The following FAM227B variants were observed in gnomAD, a reference collection of about 807,000 sequenced individuals.
The protein encoded by FAM227B is family with sequence similarity 227 member B, also known as protein FAM227B.
FAM227B carries 88 observed loss-of-function variants against 73.8 expected under a neutral mutation model. That is an observed-to-expected ratio of 1.19 (90% CI 1.00 to 1.42). The LOEUF (loss-of-function observed/expected upper bound fraction) is 1.42. Among genes scored for constraint, FAM227B ranks in the 40% most tolerant of loss-of-function variants. The pLI is 0.00. For missense variants in FAM227B, 632 were observed against 590.9 expected (o/e 1.07, Z -0.72); for synonymous variants, 210 against 190.5 (o/e 1.10, Z -0.84).
At chr15:49,389,519 T>C (rs1426485170) in intron 11 of FAM227B, among the ~76,000 whole-genome samples, 1 of 151,766 alleles carries the variant, frequency 6.6e-6, no homozygotes, top group Admixed American at 6.6e-5. Flanking sequence ...GATACAAAAC[T>C]ACACATTAGG....
chr15:49,461,009 C>A (rs1443083928), intron 11 of FAM227B, among the ~76,000 whole-genome samples: 1 of 152,178 alleles, frequency 6.6e-6, no homozygotes, highest in Non-Finnish European at 1.5e-5. Context: ...TGATATTCAT[C>A]TTGTGGGGCC....
Position 49,514,504 on chromosome 15 carries a change from CTA to C in FAM227B, c.875-6158_875-6157del, listed in dbSNP as rs371622411. On this transcript the variant is annotated intron_variant, in intron 10 of 15. Coordinates refer to ENST00000299338, the MANE Select transcript of FAM227B (RefSeq NM_152647.3). ...AGCTTAAGGAGTTTTGGGGCTGAGA[CTA>C]TGTGGTTTTCTAAATATAGGGTCAT... Among the ~76,000 whole-genome samples the C allele has an allele frequency of 4.7e-4, 72 of 152,136 alleles. 1 individual carries two copies. In the East Asian group the frequency reaches 0.011, roughly 23 times the overall value.
chr15:49,463,479 A>G (rs955518634), intron 11 of FAM227B, among the ~76,000 whole-genome samples: 8 of 151,246 alleles, frequency 5.3e-5, no homozygotes, highest in African/African-American at 1.9e-4. Context: ...GGAACCCGGA[A>G]GGCAGAGGTT....
intron 11 of FAM227B, chr15:49,434,571 T>C (rs147698127): frequency 6.6e-6 from 1 of 151,724 alleles, no homozygotes; most frequent in African/African-American, 2.4e-5. Context: ...TTTTTGTAGA[T>C]GTTTGGTAGT....
rs910784042 is a variant in FAM227B, at chr15:49,449,857, T to G, written c.1012+58354A>C. Among the ~76,000 whole-genome samples, 118 of 152,190 alleles carry G rather than the reference T, an allele frequency of 7.8e-4. 2 individuals are homozygous for G. Among genetic ancestry groups the G allele is most frequent in the Non-Finnish European group, 3.1e-4 (21 of 67,988 alleles). On this transcript the variant is annotated intron_variant, in intron 11 of 15. Coordinates refer to ENST00000299338, the MANE Select transcript of FAM227B (RefSeq NM_152647.3). ...GATATCCATAAAGATTACTTAACTT[T>G]AGAGATACTGTCATCCTGTGAATTC...
intron 3 of FAM227B, among the ~76,000 whole-genome samples, chr15:49,605,645 T>TG (rs1397383195): frequency 6.6e-6 from 1 of 151,934 alleles, no homozygotes; most frequent in Non-Finnish European, 1.5e-5. Flanking sequence ...GGCCTGGTGC[T>TG]GGGGTCTACT....
chr15:49,362,413 C>T (rs907623949), intron 13 of FAM227B, among the ~76,000 whole-genome samples: 5 of 152,306 alleles, frequency 3.3e-5, no homozygotes, highest in Non-Finnish European at 4.4e-5. Context: ...GTTAAACCTG[C>T]AGAACTGTGA....
intron 3 of FAM227B, among the ~76,000 whole-genome samples, chr15:49,590,762 T>C (rs970286781): frequency 5.9e-5 from 9 of 152,276 alleles, no homozygotes; most frequent in African/African-American, 1.9e-4. Context: ...TGCTGACCAA[T>C]TGATCCCCAG....
chr15:49,487,171 G>A (rs569620069), intron 11 of FAM227B: 172 of 151,836 alleles, frequency 1.1e-3, no homozygotes, highest in Non-Finnish European at 2.1e-4. Context: ...TGACTCAAAA[G>A]GAGAAAAGAA....
At chr15:49,436,464 C>G (rs1306953236) in intron 11 of FAM227B, among the ~76,000 whole-genome samples, 2 of 151,452 alleles carry the variant, frequency 1.3e-5, no homozygotes, top group East Asian at 3.9e-4. Context: ...ATGAGACATT[C>G]TTAAGTAAAT....
At chr15:49,374,978 A>G (rs1379819487) in intron 11 of FAM227B, among the ~76,000 whole-genome samples, 2 of 152,174 alleles carry the variant, frequency 1.3e-5, no homozygotes, top group African/African-American at 2.4e-5. Context: ...GTTTGTATAT[A>G]TATTAAATCT....
chr15:49,508,779 T>C (rs1311703675), intron 10 of FAM227B, among the ~76,000 whole-genome samples: 1 of 152,210 alleles, frequency 6.6e-6, no homozygotes, highest in Non-Finnish European at 1.5e-5. Context: ...AGTTATCACT[T>C]ATTTAGCAGA....
intron 11 of FAM227B, among the ~76,000 whole-genome samples, chr15:49,443,071 G>C (rs2051823916): frequency 6.6e-6 from 1 of 151,634 alleles, no homozygotes; most frequent in Non-Finnish European, 1.5e-5. Flanking sequence ...TGAATATATG[G>C]GATTAGTTAT....
chr15:49,489,695 G>T (rs2056717829), intron 11 of FAM227B, among the ~76,000 whole-genome samples: 1 of 147,738 alleles, frequency 6.8e-6, no homozygotes, highest in Admixed American at 6.9e-5. Flanking sequence ...GACCTAAAAA[G>T]ACTTGAAAAC....
rs181524130 is a variant in FAM227B at position 49,571,693 on chromosome 15, C to T, written c.645+3318G>A. Among the ~76,000 whole-genome samples, 6 of 151,924 alleles carry T rather than the reference C, an allele frequency of 3.9e-5. No individual in the cohort carries two copies. In the East Asian group the frequency reaches 9.7e-4, roughly 25 times the overall value. On this transcript the variant is annotated intron_variant, in intron 8 of 15. Transcript: ENST00000299338. Reference sequence around the variant, plus strand: ...TCATTTGGGGGCTCTCTTTTCTGTTCTATGCGTATATGTGTCTGTTTTTAT... The same window carrying T: ...TCATTTGGGGGCTCTCTTTTCTGTTTTATGCGTATATGTGTCTGTTTTTAT...
chr15:49,414,343 G>T (rs2049065664), intron 11 of FAM227B, among the ~76,000 whole-genome samples: 1 of 150,830 alleles, frequency 6.6e-6, no homozygotes, highest in South Asian at 2.1e-4. Context: ...GAGAGAATTT[G>T]TAAGGGGGAT....
At chr15:49,359,069 C>G (rs1018783909) in intron 13 of FAM227B, among the ~76,000 whole-genome samples, 2 of 152,024 alleles carry the variant, frequency 1.3e-5, no homozygotes, top group African/African-American at 4.8e-5. Context: ...CTTCCTTACA[C>G]CTTATACAAA....
chr15:49,435,006 G>A (rs2151806646), intron 11 of FAM227B, among the ~76,000 whole-genome samples: 1 of 151,480 alleles, frequency 6.6e-6, no homozygotes, highest in African/African-American at 2.4e-5. Context: ...AGTATGTTGT[G>A]TGTATTTTAC....
chr15:49,423,653 A>C (rs1165232788), intron 11 of FAM227B, among the ~76,000 whole-genome samples: 1 of 152,156 alleles, frequency 6.6e-6, no homozygotes, highest in Non-Finnish European at 1.5e-5. Context: ...GTTCAGGAGA[A>C]AATAATTGAT....
Sources: gnomAD v4.1 joint callset for allele counts (sites outside exome capture counted in the v4.1 genomes callset) on GRCh38, gnomAD v4.1.1 for gene constraint, MANE v1.5 for transcripts, NCBI Gene and HGNC (gene_info 2026-07-23, HGNC 2026-07-21) for gene names.